The following GRIP1 variants were observed in gnomAD, a reference collection of about 807,000 sequenced individuals.
GRIP1 encodes the protein glutamate receptor interacting protein 1.
GRIP1 carries 45 observed loss-of-function variants against 129.9 expected under a neutral mutation model. That is an observed-to-expected ratio of 0.35 (90% CI 0.27 to 0.44). The LOEUF (loss-of-function observed/expected upper bound fraction) is 0.44. Among genes scored for constraint, GRIP1 ranks in the 20% least tolerant of loss-of-function variants. The pLI, the probability that GRIP1 is intolerant of heterozygous loss-of-function variation, is 1.00. For synonymous variants in GRIP1, 530 were observed against 520.8 expected (o/e 1.02, Z -0.24); for missense variants, 1,196 against 1,396.8 (o/e 0.86, Z 2.29).
intron 2 of GRIP1, among the ~76,000 whole-genome samples, chr12:66,548,643 G>A (rs368820714): frequency 5.9e-5 from 9 of 152,224 alleles, no homozygotes; most frequent in Middle Eastern, 3.4e-3. Context: ...GGAATTTTCC[G>A]GAGTTAGAGA....
chr12:66,608,110 T>C (rs1286353269), intron 1 of GRIP1, among the ~76,000 whole-genome samples: 1 of 152,218 alleles, frequency 6.6e-6, no homozygotes, highest in African/African-American at 2.4e-5. Flanking sequence ...TATTTTGCTT[T>C]ATTAATTCAT....
chr12:66,626,353 G>A (rs1215387795), intron 1 of GRIP1, among the ~76,000 whole-genome samples: 4 of 133,068 alleles, frequency 3.0e-5, no homozygotes, highest in Non-Finnish European at 1.7e-5. Context: ...AAAAAAAAAA[G>A]TATATTTACT....
chr12:66,552,965 C>G (rs772736423), intron 2 of GRIP1, among the ~76,000 whole-genome samples: 4 of 152,182 alleles, frequency 2.6e-5, no homozygotes, highest in Non-Finnish European at 5.9e-5. Flanking sequence ...CTCAGACCCA[C>G]TGGAATTCAG....
chr12:66,566,870 T>TG (rs2139457488), intron 2 of GRIP1, among the ~76,000 whole-genome samples: 1 of 152,330 alleles, frequency 6.6e-6, no homozygotes, highest in East Asian at 1.9e-4. Flanking sequence ...GGAGGGTGTA[T>TG]GTGTCGAGGA....
chr12:66,585,484 T>G (rs2063592916), intron 2 of GRIP1, among the ~76,000 whole-genome samples: 1 of 138,110 alleles, frequency 7.2e-6, no homozygotes, highest in Non-Finnish European at 1.6e-5. Flanking sequence ...TGCTACATTT[T>G]CTTAATCCAG....
chr12:66,712,337 C>T (rs886988116), intron 1 of GRIP1, among the ~76,000 whole-genome samples: 1 of 151,468 alleles, frequency 6.6e-6, no homozygotes, highest in African/African-American at 2.4e-5. Flanking sequence ...ATGGAAAAAC[C>T]CTTATTTTCA....
intron 16 of GRIP1, among the ~76,000 whole-genome samples, chr12:66,401,609 TACACACACACACACACAC>T (rs71096099): frequency 1.8e-5 from 2 of 110,176 alleles, no homozygotes; most frequent in African/African-American, 3.7e-5. Context: ...TATATATATA[TACACACACACACACACAC>T]ACACACACAC....
intron 1 of GRIP1, among the ~76,000 whole-genome samples, chr12:66,858,027 T>C (rs1345712618): frequency 2.6e-5 from 4 of 151,958 alleles, no homozygotes; most frequent in African/African-American, 9.7e-5. Context: ...ACTGCCTACC[T>C]TTCCTTTGAT....
intron 1 of GRIP1, among the ~76,000 whole-genome samples, chr12:66,616,807 G>A (rs572152839): frequency 7.9e-5 from 12 of 152,164 alleles, no homozygotes; most frequent in African/African-American, 2.9e-4. Flanking sequence ...TGTTCCTCAG[G>A]GAAAACCAAG....
intron 1 of GRIP1, among the ~76,000 whole-genome samples, chr12:66,771,084 C>T (rs1392456975): frequency 1.3e-5 from 2 of 152,028 alleles, no homozygotes; most frequent in East Asian, 1.9e-4. Flanking sequence ...CAGGGCGAGA[C>T]TCTGTCTCAA....
chr12:66,576,126 G>A (rs1248794530), intron 2 of GRIP1, among the ~76,000 whole-genome samples: 1 of 152,170 alleles, frequency 6.6e-6, no homozygotes, highest in Non-Finnish European at 1.5e-5. Context: ...TTTTAGAAAG[G>A]ATTATTATAC....
chr12:66,372,008 C>T (rs2055533252), intron 22 of GRIP1, 81 bp from the exon 23 acceptor site: 1 of 912,758 alleles, frequency 1.1e-6, no homozygotes, highest in Non-Finnish European at 1.8e-6. Flanking sequence ...GCACATTTCT[C>T]CTTCTGCGAG....
chr12:66,815,248 G>A (rs1029102862), intron 1 of GRIP1, among the ~76,000 whole-genome samples: 1 of 152,120 alleles, frequency 6.6e-6, no homozygotes, highest in Non-Finnish European at 1.5e-5. Context: ...ATGGATGAGG[G>A]TGGTATCATA....
intron 23 of GRIP1, among the ~76,000 whole-genome samples, chr12:66,366,568 T>G (rs2055158561): frequency 6.6e-6 from 1 of 152,238 alleles, no homozygotes; most frequent in South Asian, 2.1e-4. Flanking sequence ...TGCTGCAACA[T>G]TTTTTAAAAG....
At chr12:66,852,537 T>TGTATAC (rs1430646492) in intron 1 of GRIP1, among the ~76,000 whole-genome samples, 4 of 150,168 alleles carry the variant, frequency 2.7e-5, no homozygotes, top group African/African-American at 9.8e-5. Context: ...TATATGTATA[T>TGTATAC]ATGTATATAT....
intron 1 of GRIP1, among the ~76,000 whole-genome samples, chr12:66,636,516 T>C (rs10784564): frequency 0.2 from 30,040 of 152,128 alleles, 3,099 homozygotes; most frequent in Non-Finnish European, 0.23. Context: ...TTAATTGCTA[T>C]GGAATGAATT....
intron 5 of GRIP1, among the ~76,000 whole-genome samples, chr12:66,520,765 A>G (rs2060976970): frequency 6.6e-6 from 1 of 152,196 alleles, no homozygotes; most frequent in Admixed American, 6.5e-5. Flanking sequence ...CTCTTGGTTT[A>G]GCTCTTTCAT....
rs757554321 is a variant in GRIP1 at position 67,014,395 on chromosome 12, A to C, written c.58+54655T>G. ...TGGTATCAGGCAGTTAGGAGAAACCAAAGCACTCACAATGACAAATGAAAA... is the reference window on the plus strand; with the variant it reads ...TGGTATCAGGCAGTTAGGAGAAACCCAAGCACTCACAATGACAAATGAAAA... On this transcript the variant is annotated intron_variant, in intron 1 of 1. Coordinates refer to the GRIP1 transcript ENST00000643019. 3.9e-5 allele frequency among the ~76,000 whole-genome samples: 6 copies of C among 152,326 alleles called. No homozygotes were observed. The South Asian group carries it at 1.0e-3, about 26-fold the overall frequency.
chr12:66,443,557 C>A (rs1162755693), intron 13 of GRIP1, among the ~76,000 whole-genome samples: 1 of 151,694 alleles, frequency 6.6e-6, no homozygotes, highest in Non-Finnish European at 1.5e-5. Flanking sequence ...CGGGTTCAGG[C>A]GATTCTCTGG....
Sources: gnomAD v4.1 joint callset for allele counts (sites outside exome capture counted in the v4.1 genomes callset) on GRCh38, gnomAD v4.1.1 for gene constraint, MANE v1.5 for transcripts, NCBI Gene and HGNC (gene_info 2026-07-23, HGNC 2026-07-21) for gene names.